MSI2: variants seen among roughly 807,000 people sequenced by gnomAD.
The protein encoded by MSI2 is RNA-binding protein Musashi homolog 2.
In MSI2, 17 loss-of-function variants were observed where a neutral mutation model predicts 45.6. The observed-to-expected ratio is 0.37, with a 90% confidence interval of 0.26 to 0.56. The LOEUF is 0.56. MSI2 is among the 20% of genes least tolerant of loss of function. MSI2 has a pLI of 0.77. For synonymous variants in MSI2, 156 were observed against 158.2 expected (o/e 0.99, Z 0.11); for missense variants, 293 against 444.2 (o/e 0.66, Z 3.06).
intron 5 of MSI2, among the ~76,000 whole-genome samples, chr17:57,330,345 C>T (rs1431915738): frequency 1.3e-5 from 2 of 150,656 alleles, no homozygotes; most frequent in Non-Finnish European, 3.0e-5. Context: ...AGTGCAGTGG[C>T]GTGATCTCTG....
At chr17:57,257,299 A>G (rs1369521257) in intron 2 of MSI2, among the ~76,000 whole-genome samples, 161 bp downstream of exon 2, 1 of 134,488 alleles carries the variant, frequency 7.4e-6, no homozygotes, top group Non-Finnish European at 1.5e-5. Flanking sequence ...TGAGCCCTCT[A>G]TGCGACCTCT....
chr17:57,342,723 A>G (rs1039020972), intron 5 of MSI2, among the ~76,000 whole-genome samples: 1 of 152,208 alleles, frequency 6.6e-6, no homozygotes, highest in African/African-American at 2.4e-5. Flanking sequence ...GTAATGTTTC[A>G]GTGACCACAA....
intron 5 of MSI2, among the ~76,000 whole-genome samples, chr17:57,345,254 T>G (rs1915508018): frequency 6.6e-6 from 1 of 152,182 alleles, no homozygotes; most frequent in Non-Finnish European, 1.5e-5. Flanking sequence ...TTTCAGGGTT[T>G]TCTTCCTTTT....
At position 57,507,219 on chromosome 17, in the gene MSI2, G is replaced by GTC. The variant is rs796078434; in HGVS notation, c.406-22451_406-22450dup. 4.7e-3 allele frequency among the ~76,000 whole-genome samples: 347 copies of GTC among 74,534 alleles called. 19 individuals are homozygous for GTC. The highest frequency in any genetic ancestry group is 0.017 in the African/African-American group (317 of 18,386). The allele number at this position is 74,534 out of a possible 152,430, so 48.9% of individuals were successfully genotyped here. On this transcript the variant is annotated intron_variant, in intron 6 of 13. Transcript: ENST00000284073. ...TCTCTTCCCATTGGTTTTTGTCTTT[G>GTC]TCTCTCTGTGTGTGTGTGTGTGTGT... is the stretch of plus-strand genomic sequence containing the variant.
chr17:57,521,113 G>A (rs144177928), intron 6 of MSI2, among the ~76,000 whole-genome samples: 1 of 152,186 alleles, frequency 6.6e-6, no homozygotes, highest in Non-Finnish European at 1.5e-5. Context: ...AGCAGCAGCT[G>A]GGATAGAAAC....
At chr17:57,268,329 T>C (rs1908005852) in intron 5 of MSI2, 1 of 152,136 alleles carries the variant, frequency 6.6e-6, no homozygotes, top group African/African-American at 2.4e-5. Flanking sequence ...CTCTCAGGTG[T>C]GATCACCAAA....
intron 6 of MSI2, among the ~76,000 whole-genome samples, chr17:57,519,071 C>T (rs1278110825): frequency 6.6e-6 from 1 of 152,172 alleles, no homozygotes; most frequent in Admixed American, 6.5e-5. Flanking sequence ...GAATGGAGCT[C>T]CCACCCAGTC....
chr17:57,653,351 GTT>G (rs1311927266), intron 11 of MSI2, among the ~76,000 whole-genome samples: 1 of 152,214 alleles, frequency 6.6e-6, no homozygotes, highest in African/African-American at 2.4e-5. Flanking sequence ...CCGAGGGTCA[GTT>G]TGCCAGAGAG....
intron 6 of MSI2, among the ~76,000 whole-genome samples, chr17:57,505,032 G>A (rs1398596235): frequency 6.6e-6 from 1 of 152,138 alleles, no homozygotes; most frequent in Non-Finnish European, 1.5e-5. Context: ...GAAGACAGAG[G>A]ACCGGGCAAG....
intron 7 of MSI2, among the ~76,000 whole-genome samples, chr17:57,565,672 C>T (rs1309117443): frequency 8.8e-6 from 1 of 113,648 alleles, no homozygotes; most frequent in Non-Finnish European, 1.8e-5. Context: ...CCTCGACTAA[C>T]ACCCATGCCT....
intron 10 of MSI2, among the ~76,000 whole-genome samples, chr17:57,640,746 A>G (rs1032280602): frequency 3.3e-5 from 5 of 152,210 alleles, no homozygotes; most frequent in Admixed American, 6.5e-5. Flanking sequence ...AGAATTCTTC[A>G]TCTATTAAAT....
chr17:57,298,830 C>T (rs182326430), intron 5 of MSI2, among the ~76,000 whole-genome samples: 1 of 152,346 alleles, frequency 6.6e-6, no homozygotes, highest in East Asian at 1.9e-4. Context: ...AGACAGTCAG[C>T]CTGTCCTTTA....
intron 5 of MSI2, among the ~76,000 whole-genome samples, chr17:57,276,541 G>T (rs981435212): frequency 2.0e-4 from 30 of 152,204 alleles, no homozygotes; most frequent in African/African-American, 7.0e-4. Flanking sequence ...GAAGAAATAT[G>T]CAGAGAAAGA....
intron 5 of MSI2, among the ~76,000 whole-genome samples, chr17:57,333,003 C>T (rs565111921): frequency 2.6e-5 from 4 of 151,360 alleles, no homozygotes; most frequent in Admixed American, 6.6e-5. Flanking sequence ...CCAGCCTGGG[C>T]GACAGAGCGA....
At chr17:57,424,179 G>A (rs1030281901) in intron 6 of MSI2, among the ~76,000 whole-genome samples, 2 of 152,206 alleles carry the variant, frequency 1.3e-5, no homozygotes, top group African/African-American at 2.4e-5. Flanking sequence ...CCCTGTGTAG[G>A]AGCTGTCTTC....
chr17:57,271,493 A>C (rs1908366342), intron 5 of MSI2, among the ~76,000 whole-genome samples: 1 of 152,150 alleles, frequency 6.6e-6, no homozygotes, highest in African/African-American at 2.4e-5. Flanking sequence ...GTTTAGAAAA[A>C]TCTAATAAAA....
chr17:57,658,873 G>A (rs1022465473), intron 11 of MSI2, among the ~76,000 whole-genome samples: 6 of 152,174 alleles, frequency 3.9e-5, no homozygotes, highest in African/African-American at 1.2e-4. Context: ...ATAAGGGCGC[G>A]CAGAGCACAA....
intron 8 of MSI2, among the ~76,000 whole-genome samples, chr17:57,613,272 A>C (rs2144548472): frequency 6.6e-6 from 1 of 152,262 alleles, no homozygotes; most frequent in South Asian, 2.1e-4. Flanking sequence ...TGATATATGC[A>C]CTTGTTTATT....
At chr17:57,326,288 G>A (rs184845789) in intron 5 of MSI2, among the ~76,000 whole-genome samples, 1 of 152,122 alleles carries the variant, frequency 6.6e-6, no homozygotes, top group East Asian at 1.9e-4. Flanking sequence ...CGCTTAGTGT[G>A]GCTATCTGTG....
Sources: gnomAD v4.1 joint callset for allele counts (sites outside exome capture counted in the v4.1 genomes callset) on GRCh38, gnomAD v4.1.1 for gene constraint, MANE v1.5 for transcripts, NCBI Gene and HGNC (gene_info 2026-07-23, HGNC 2026-07-21) for gene names.